Variants in PKD2L2 observed in about 807,000 individuals in gnomAD.
PKD2L2 encodes the protein polycystin 2 like 2, transient receptor potential cation channel, also known as polycystin-2-like protein 2.
PKD2L2 carries 67 observed loss-of-function variants against 83.9 expected under a neutral mutation model. The ratio of observed to expected loss-of-function variants is 0.80; its 90% CI spans 0.66 to 0.98. The LOEUF (loss-of-function observed/expected upper bound fraction) is 0.98. Ranked by LOEUF, PKD2L2 falls within the 50% of genes least tolerant of loss-of-function variation. The probability of loss-of-function intolerance (pLI) is 0.00; values close to 1 mark genes in which losing one functional copy is unlikely to be tolerated. For missense variants in PKD2L2, 632 were observed against 717.2 expected, an observed-to-expected ratio of 0.88 and a Z score of 1.36; for synonymous variants, 223 against 237.8, an observed-to-expected ratio of 0.94 and a Z score of 0.57.
chr5:137,909,538 A>ATTTTTTTTTTT (rs144393648), intron 8 of PKD2L2, among the ~76,000 whole-genome samples: 1 of 85,332 alleles, frequency 1.2e-5, no homozygotes. Flanking sequence ...GACAAAAGAA[A>ATTTTTTTTTTT]TTTTTTTTTT....
At chr5:137,929,600 A>G (rs1311333067) in intron 12 of PKD2L2, among the ~76,000 whole-genome samples, 3 of 151,278 alleles carry the variant, frequency 2.0e-5, no homozygotes, top group Non-Finnish European at 4.4e-5. Context: ...AATATAAAAC[A>G]GTATAACTGC....
chr5:137,914,853 C>A (rs1369755261), intron 8 of PKD2L2, among the ~76,000 whole-genome samples: 1 of 152,074 alleles, frequency 6.6e-6, no homozygotes, highest in African/African-American at 2.4e-5. Flanking sequence ...CGTTGATTAT[C>A]AAAATTTTTT....
intron 4 of PKD2L2, 92 bp from the exon 5 acceptor site, chr5:137,899,420 AAACT>A (rs978196489): frequency 1.1e-6 from 1 of 904,330 alleles, no homozygotes; most frequent in African/African-American, 1.7e-5. Flanking sequence ...CTTGGCCAAA[AAACT>A]ACTACTTTTG....
intron 8 of PKD2L2, among the ~76,000 whole-genome samples, chr5:137,920,045 A>C (rs919889416): frequency 3.9e-5 from 6 of 152,168 alleles, no homozygotes; most frequent in Non-Finnish European, 8.8e-5. Flanking sequence ...TAAAAATACA[A>C]AAATTAGCCA....
chr5:137,913,072 A>C (rs1357651850), intron 8 of PKD2L2, among the ~76,000 whole-genome samples: 1 of 149,784 alleles, frequency 6.7e-6, no homozygotes, highest in Non-Finnish European at 1.5e-5. Flanking sequence ...ATGGGGTTTC[A>C]CCATGTTGGC....
At chr5:137,906,659 G>A (rs1580920025) in intron 6 of PKD2L2, among the ~76,000 whole-genome samples, 1 of 152,106 alleles carries the variant, frequency 6.6e-6, no homozygotes, top group South Asian at 2.1e-4. Context: ...AAACCTACAG[G>A]GAAAGGTGAT....
chr5:137,935,146 T>C (rs1321968213), intron 12 of PKD2L2, among the ~76,000 whole-genome samples: 2 of 152,240 alleles, frequency 1.3e-5, no homozygotes, highest in East Asian at 3.8e-4. Flanking sequence ...TCTTTACCTT[T>C]TTCTAGTGCT....
intron 8 of PKD2L2, among the ~76,000 whole-genome samples, chr5:137,921,314 T>C (rs1158185572): frequency 1.4e-5 from 2 of 147,596 alleles, no homozygotes; most frequent in Non-Finnish European, 1.5e-5. Context: ...TGAGCCGAGA[T>C]AGCACCACTG....
intron 8 of PKD2L2, among the ~76,000 whole-genome samples, chr5:137,919,463 T>C (rs895547473): frequency 6.6e-6 from 1 of 152,126 alleles, no homozygotes; most frequent in African/African-American, 2.4e-5. Flanking sequence ...GAAGCTTTGG[T>C]TACTAAGCTA....
intron 3 of PKD2L2, among the ~76,000 whole-genome samples, chr5:137,893,698 A>C (rs1356827865): frequency 6.6e-6 from 1 of 152,232 alleles, no homozygotes; most frequent in Non-Finnish European, 1.5e-5. Context: ...AATGCTGTGC[A>C]GGAATTTGAA....
chr5:137,907,706 A>T, intron 6 of PKD2L2, 36 bp from the exon 7 acceptor site: 1 of 1,237,318 alleles, frequency 8.1e-7, no homozygotes, highest in Non-Finnish European at 1.1e-6. Flanking sequence ...AGGTAGAGAT[A>T]TTCTCTAATT....
intron 8 of PKD2L2, among the ~76,000 whole-genome samples, chr5:137,916,019 C>T (rs1758294417): frequency 9.0e-6 from 1 of 111,720 alleles, no homozygotes. Context: ...ATTATGTATA[C>T]ACACATTTTT....
At chr5:137,914,857 AT>A (rs1409389505) in intron 8 of PKD2L2, among the ~76,000 whole-genome samples, 1 of 152,020 alleles carries the variant, frequency 6.6e-6, no homozygotes, top group Admixed American at 6.6e-5. Flanking sequence ...GATTATCAAA[AT>A]TTTTTCTGCC....
intron 14 of PKD2L2, among the ~76,000 whole-genome samples, chr5:137,937,509 GC>G (rs987258621): frequency 5.3e-5 from 8 of 152,094 alleles, no homozygotes; most frequent in African/African-American, 1.9e-4. Context: ...GGCTATGTAA[GC>G]CCCCCTACGA....
chr5:137,913,189 T>C (rs370060133), intron 8 of PKD2L2, among the ~76,000 whole-genome samples: 153 of 143,100 alleles, frequency 1.1e-3, no homozygotes, highest in East Asian at 4.9e-3. Context: ...TTTTTCTTTT[T>C]TTTTTTTTTT....
At position 137,906,442 on chromosome 5, in the gene PKD2L2, T is replaced by C. The variant is rs546250650; in HGVS notation, c.975+8T>C. The stretch of plus-strand genomic sequence containing the variant: ...GAATTGCTACTTTTGCTGGTGAGTA[T>C]ATATTCATGTGTATGGTTGAAGGGG... On this transcript the variant is annotated splice_region_variant and intron_variant, in intron 6 of 14. Coordinates refer to ENST00000508883, the MANE Select transcript of PKD2L2 (RefSeq NM_001300921.2). 2 of 1,428,560 alleles carry C rather than the reference T, an allele frequency of 1.4e-6. No individual in the cohort carries two copies. Among genetic ancestry groups the C allele is most frequent in the African/African-American group, 1.4e-5 (1 of 71,218 alleles). 88.5% of individuals were successfully genotyped at this position (1,428,560 alleles called of 1,614,324 possible).
chr5:137,917,727 T>G (rs553752443), intron 8 of PKD2L2, among the ~76,000 whole-genome samples: 1 of 152,368 alleles, frequency 6.6e-6, no homozygotes, highest in East Asian at 1.9e-4. Flanking sequence ...AGTTAAAGTC[T>G]TTGTAGTAGG....
In PKD2L2 at chr5:137,923,169, C is replaced by T. The variant is rs1189254758; in HGVS notation, c.1450-251C>T. On this transcript the variant is annotated intron_variant, in intron 9 of 14. Coordinates refer to ENST00000508883, the MANE Select transcript of PKD2L2 (RefSeq NM_001300921.2). ...TAGCTGGGACTACAGGTGTGCACCACCACGCCTGGCTAATTTTTGTATTTT... is the reference window on the plus strand; with the variant it reads ...TAGCTGGGACTACAGGTGTGCACCATCACGCCTGGCTAATTTTTGTATTTT... 2.0e-5 allele frequency among the ~76,000 whole-genome samples: 3 copies of T among 152,056 alleles called. No homozygotes were observed. The South Asian group carries it at 6.2e-4, about 32-fold the overall frequency.
intron 8 of PKD2L2, among the ~76,000 whole-genome samples, chr5:137,911,553 T>C (rs1211279611): frequency 6.6e-6 from 1 of 152,180 alleles, no homozygotes; most frequent in Non-Finnish European, 1.5e-5. Context: ...ATAATTAAAA[T>C]TATATATATT....
Sources: gnomAD v4.1 joint callset for allele counts (sites outside exome capture counted in the v4.1 genomes callset) on GRCh38, gnomAD v4.1.1 for gene constraint, MANE v1.5 for transcripts, NCBI Gene and HGNC (gene_info 2026-07-23, HGNC 2026-07-21) for gene names.